Variants in UBA6 observed in about 807,000 individuals in gnomAD.
UBA6 encodes the protein ubiquitin like modifier activating enzyme 6, also known as ubiquitin-like modifier-activating enzyme 6.
A neutral mutation model predicts 148.3 loss-of-function variants in UBA6; 87 were observed. That is an observed-to-expected ratio of 0.59 (90% CI 0.49 to 0.70). The LOEUF (loss-of-function observed/expected upper bound fraction) is 0.70, where lower values mean the gene tolerates loss of function less well. Ranked by LOEUF, UBA6 falls within the 30% of genes least tolerant of loss-of-function variation. UBA6 has a pLI of 0.00. For missense variants in UBA6, 1,186 were observed against 1,241.2 expected (o/e 0.96, Z 0.67); for synonymous variants, 376 against 401.0 (o/e 0.94, Z 0.75).
rs550963949 is a variant in UBA6, at chr4:67,693,107, T to C, written c.134+3538A>G. On this transcript the variant is annotated intron_variant, in intron 2 of 32. Coordinates refer to ENST00000322244, the MANE Select transcript of UBA6 (RefSeq NM_018227.6). Reference sequence around the variant, plus strand: ...TACACTGTGTGTGCCTGCCTCTCTTTCCCTACCCTTCTGCCTCCACCTCTT... The same window carrying C: ...TACACTGTGTGTGCCTGCCTCTCTTCCCCTACCCTTCTGCCTCCACCTCTT... 4.4e-4 allele frequency among the ~76,000 whole-genome samples: 67 copies of C among 152,206 alleles called. 1 individual carries two copies. Among genetic ancestry groups the C allele is most frequent in the African/African-American group, 1.6e-3 (65 of 41,526 alleles).
chr4:67,696,863 T>C (rs574636002), intron 1 of UBA6, among the ~76,000 whole-genome samples, 156 bp from the exon 2 acceptor site: 68 of 152,360 alleles, frequency 4.5e-4, no homozygotes, highest in African/African-American at 1.6e-3. Flanking sequence ...TGGCCTGAAA[T>C]TAAATTATCG....
Position 67,633,369 on chromosome 4 carries a change from C to T in UBA6, c.2118G>A (p.Lys706=). 6.2e-7 allele frequency: 1 copy of T among 1,600,646 alleles called. No individual in the cohort carries two copies. The highest frequency in any genetic ancestry group is 1.1e-5 in the South Asian group (1 of 88,232). The change falls in exon 23 of 33, where the codon AAG becomes AAA. Residue 706 remains lysine (K), a synonymous_variant. Coordinates refer to ENST00000322244, the MANE Select transcript of UBA6 (RefSeq NM_018227.6). ...CCTTATGGTTAAAATATTTTTCAAA[C>T]TTTAATCTTGCTAATTCTACACACT... ...WSQCVELARL[K]FEKYFNHKAL...
chr4:67,664,461 G>A (rs1354755707), intron 10 of UBA6, among the ~76,000 whole-genome samples: 2 of 151,520 alleles, frequency 1.3e-5, no homozygotes, highest in Non-Finnish European at 2.9e-5. Context: ...TCTAACTTTG[G>A]GTTGAACAAA....
chr4:67,622,249 A>G (rs570016090), intron 32 of UBA6, among the ~76,000 whole-genome samples: 1 of 152,344 alleles, frequency 6.6e-6, no homozygotes, highest in East Asian at 1.9e-4. Flanking sequence ...ATTCCACCTT[A>G]ACAGGTGAGA....
rs759672011 is a variant in UBA6 at position 67,694,286 on chromosome 4, T to TAAA, written c.134+2356_134+2358dup. Among the ~76,000 whole-genome samples the TAAA allele has an allele frequency of 3.5e-4, 44 of 124,922 alleles. 1 individual carries two copies. The highest frequency in any genetic ancestry group is 1.1e-3 in the African/African-American group (39 of 34,172). 82.0% of individuals were successfully genotyped at this position (124,922 alleles called of 152,430 possible). On this transcript the variant is annotated intron_variant, in intron 2 of 32. Transcript: ENST00000322244. ...ACCAAATCTTCAGATTCAGTCACTA[T>TAAA]AAAAAAAAAAACCCTCAAACATTTA...
intron 2 of UBA6, 101 bp downstream of exon 2, chr4:67,696,532 CACACACACACAT>C: frequency 2.7e-6 from 2 of 738,420 alleles, no homozygotes; most frequent in Non-Finnish European, 4.5e-6. Flanking sequence ...CACACACACA[CACACACACACAT>C]ATAATTCTGC....
chr4:67,670,134 G>C (rs1401924340), intron 8 of UBA6, among the ~76,000 whole-genome samples: 1 of 151,936 alleles, frequency 6.6e-6, no homozygotes, highest in Admixed American at 6.6e-5. Flanking sequence ...GGTAGACATG[G>C]GGTTTCACCA....
At chr4:67,688,890 C>T (rs1235303789) in intron 2 of UBA6, among the ~76,000 whole-genome samples, 2 of 151,862 alleles carry the variant, frequency 1.3e-5, no homozygotes, top group Non-Finnish European at 2.9e-5. Context: ...ACCTGTGTAT[C>T]TAGTAAATAC....
At chr4:67,693,410 T>C (rs1471531247) in intron 2 of UBA6, among the ~76,000 whole-genome samples, 1 of 152,028 alleles carries the variant, frequency 6.6e-6, no homozygotes, top group Non-Finnish European at 1.5e-5. Context: ...ATCAGTAAAA[T>C]TTCCAGTCAA....
chr4:67,649,510 A>C (rs1448348436), intron 13 of UBA6, among the ~76,000 whole-genome samples: 2 of 152,196 alleles, frequency 1.3e-5, no homozygotes, highest in Non-Finnish European at 2.9e-5. Flanking sequence ...GTCAAAGAAC[A>C]GTTCTGTGAT....
At chr4:67,675,678 C>T (rs939987075) in intron 6 of UBA6, among the ~76,000 whole-genome samples, 2 of 151,702 alleles carry the variant, frequency 1.3e-5, no homozygotes, top group African/African-American at 4.8e-5. Flanking sequence ...TTGCAGTGAG[C>T]CCAGACTATG....
At chr4:67,683,785 G>A (rs547944378) in intron 2 of UBA6, among the ~76,000 whole-genome samples, 130 of 152,036 alleles carry the variant, frequency 8.6e-4, no homozygotes, top group Non-Finnish European at 1.6e-3. Flanking sequence ...CAAAATGGAC[G>A]TACCAGGACA....
intron 32 of UBA6, among the ~76,000 whole-genome samples, chr4:67,621,545 G>C (rs565810075): frequency 4.7e-4 from 71 of 152,356 alleles, no homozygotes; most frequent in Admixed American, 1.4e-3. Flanking sequence ...GCTCACGCCT[G>C]TAATCCCAGC....
At chr4:67,686,297 T>C (rs1730557602) in intron 2 of UBA6, among the ~76,000 whole-genome samples, 1 of 152,208 alleles carries the variant, frequency 6.6e-6, no homozygotes, top group South Asian at 2.1e-4. Flanking sequence ...TCTAGAGTTT[T>C]CTTTCTCTAA....
At chr4:67,651,490 T>G (rs1444074048) in intron 13 of UBA6, among the ~76,000 whole-genome samples, 1 of 152,244 alleles carries the variant, frequency 6.6e-6, no homozygotes, top group South Asian at 2.1e-4. Flanking sequence ...TCTAACAGTA[T>G]GAAAATTCGG....
chr4:67,617,209 G>C lies in UBA6; in HGVS notation c.*1788C>G, dbSNP rs374517897. ...AGTTACTGGATCATATTTATGGACT[G>C]CTGAATTAACTACCCGAAAAGTATC... On this transcript the variant is annotated 3_prime_UTR_variant, in exon 33 of 33. Coordinates refer to ENST00000322244, the MANE Select transcript of UBA6 (RefSeq NM_018227.6). The C allele has an allele frequency of 2.6e-5, 4 of 152,102 alleles. No homozygotes were observed. In the East Asian group the frequency reaches 5.8e-4, roughly 22 times the overall value. 9.4% of individuals were successfully genotyped at this position (152,102 alleles called of 1,614,324 possible).
At chr4:67,654,787 G>A (rs188048245) in intron 13 of UBA6, among the ~76,000 whole-genome samples, 104 of 150,506 alleles carry the variant, frequency 6.9e-4, no homozygotes, top group African/African-American at 2.0e-3. Flanking sequence ...GTATTCACGA[G>A]ACCCATCTCA....
intron 13 of UBA6, among the ~76,000 whole-genome samples, chr4:67,653,061 G>T (rs75386155): frequency 6.6e-6 from 1 of 152,214 alleles, no homozygotes; most frequent in East Asian, 1.9e-4. Context: ...GCTCAGCAAG[G>T]CCTACTGCCT....
intron 18 of UBA6, among the ~76,000 whole-genome samples, chr4:67,639,622 T>TA (rs1577800793): frequency 6.6e-6 from 1 of 152,100 alleles, no homozygotes; most frequent in African/African-American, 2.4e-5. Context: ...TTCCATTTTA[T>TA]AAAAAACAGT....
Sources: gnomAD v4.1 joint callset for allele counts (sites outside exome capture counted in the v4.1 genomes callset) on GRCh38, gnomAD v4.1.1 for gene constraint, MANE v1.5 for transcripts, NCBI Gene and HGNC (gene_info 2026-07-23, HGNC 2026-07-21) for gene names.